Variants in GSS observed in about 807,000 individuals in gnomAD.
GSS encodes glutathione synthetase.
Under a neutral mutation model 60.4 loss-of-function variants are expected in GSS, and 34 were observed. The ratio of observed to expected loss-of-function variants is 0.56; its 90% CI spans 0.43 to 0.75. GSS has a LOEUF of 0.75. Among genes scored for constraint, GSS ranks in the 30% least tolerant of loss-of-function variants. GSS has a pLI of 0.00. For missense variants in GSS, 499 were observed against 595.1 expected, an observed-to-expected ratio of 0.84 and a Z score of 1.68; for synonymous variants, 224 against 239.0, an observed-to-expected ratio of 0.94 and a Z score of 0.58.
rs149280710 is a variant in GSS at position 34,951,795 on chromosome 20, G to A, written c.58C>T (p.Arg20Trp). Reference protein sequence around the residue: ...QDKQQLEELARQAVDRALAEG... With the variant: ...QDKQQLEELAWQAVDRALAEG... Reference sequence around the variant, plus strand: ...GCCAGGGCCCGGTCCACGGCCTGCCGTGCCAGCTCCTCTAGCTGCTGTTTA... The same window carrying A: ...GCCAGGGCCCGGTCCACGGCCTGCCATGCCAGCTCCTCTAGCTGCTGTTTA... The change falls in exon 2 of 13, where the codon CGG becomes TGG. Residue 20 changes from arginine to tryptophan, a missense_variant. Arg to Trp is a moderately radical substitution (Grantham distance 101). Transcript: ENST00000651619. The A allele has an allele frequency of 1.3e-4, 204 of 1,614,002 alleles. No homozygotes were observed. The highest frequency in any genetic ancestry group is 3.3e-4 in the Middle Eastern group (2 of 6,084).
chr20:34,951,938 C>G, intron 1 of GSS, 78 bp from the exon 2 acceptor site: 1 of 1,477,360 alleles, frequency 6.8e-7, no homozygotes, highest in Non-Finnish European at 9.4e-7. Flanking sequence ...TGGCGGCCAC[C>G]CCCAACACAG....
chr20:34,942,193 G>A (rs541599742), intron 5 of GSS, among the ~76,000 whole-genome samples: 20 of 152,080 alleles, frequency 1.3e-4, no homozygotes, highest in Non-Finnish European at 2.8e-4. Flanking sequence ...ATGCTACCAG[G>A]CCCAGCCCCC....
In GSS at chr20:34,948,782, C is replaced by CAA. The variant is rs11411767; in HGVS notation, c.130-2686_130-2685dup. Among the ~76,000 whole-genome samples the CAA allele has an allele frequency of 4.4e-4, 60 of 136,104 alleles. 1 individual carries two copies. Among genetic ancestry groups the CAA allele is most frequent in the Middle Eastern group, 3.9e-3 (1 of 258 alleles). 89.3% of individuals were successfully genotyped at this position (136,104 alleles called of 152,430 possible). On this transcript the variant is annotated intron_variant, in intron 2 of 12. Transcript: ENST00000651619. ...CTGGCGACAGAGTGAGACTCTGTCT[C>CAA]AAAAAAAAAAAAAGAAACATTTTTC...
At chr20:34,951,516 T>C (rs1000088350) in intron 2 of GSS, 7 of 589,442 alleles carry the variant, frequency 1.2e-5, no homozygotes, top group South Asian at 2.1e-5. Flanking sequence ...TTAAGTAATT[T>C]GCCTAAGTCA....
In GSS at chr20:34,929,534, C is replaced by T. The variant is rs763001933; in HGVS notation, c.1168G>A (p.Glu390Lys). Residue 390 changes from glutamate (E) to lysine (K), a missense_variant, in exon 12 of 13, where the codon GAG becomes AAG. Glu to Lys is a moderately conservative substitution (Grantham distance 56, BLOSUM62 1). Coordinates refer to ENST00000651619, the MANE Select transcript of GSS (RefSeq NM_000178.4). ...VQALKQLKDS[E>K]ERASYILMEK... ...ATGAGGATGTAGGAGGCCCTCTCCT[C>T]ACTGTCCTTCAGCTGTTTCAGGGCC... is the stretch of plus-strand genomic sequence containing the variant. The T allele has an allele frequency of 3.1e-6, 5 of 1,614,072 alleles. No individual in the cohort carries two copies. In the South Asian group the frequency reaches 4.4e-5, roughly 14 times the overall value.
intron 2 of GSS, among the ~76,000 whole-genome samples, chr20:34,950,978 G>A (rs1357692755): frequency 6.6e-6 from 1 of 151,374 alleles, no homozygotes; most frequent in Non-Finnish European, 1.5e-5. Flanking sequence ...GGTGTGGTTT[G>A]GACTCAGCAG....
chr20:34,931,610 CA>C lies in GSS; in HGVS notation c.1030-194del, dbSNP rs2081402440. 1.3e-5 allele frequency: 9 copies of C among 667,068 alleles called. No homozygotes were observed. The East Asian group carries it at 2.4e-4, about 18-fold the overall frequency. The allele number at this position is 667,068 out of a possible 1,614,324, so 41.3% of individuals were successfully genotyped here. On this transcript the variant is annotated intron_variant, in intron 10 of 12. Transcript: ENST00000651619. ...CCTGCAGCAGCCGATGCAATGAGAA[CA>C]GGCCTTTCTTTAGCAACAGCTCAGG... is the stretch of plus-strand genomic sequence containing the variant.
Position 34,935,592 on chromosome 20 carries a change from C to G in GSS, c.818G>C (p.Arg273Pro). The G allele has an allele frequency of 6.2e-7, 1 of 1,612,518 alleles. No individual in the cohort carries two copies. Among genetic ancestry groups the G allele is most frequent in the Non-Finnish European group, 8.5e-7 (1 of 1,178,608 alleles). Residue 273 changes from arginine to proline, a missense_variant, in exon 9 of 13, where the codon CGT becomes CCT. Coordinates refer to ENST00000651619, the MANE Select transcript of GSS (RefSeq NM_000178.4). Reference sequence around the variant, plus strand: ...AATACCAACCTGTAGACTGTACTGACGAGGCATGTAGCCATCCCGGAAGTA... The same window carrying G: ...AATACCAACCTGTAGACTGTACTGAGGAGGCATGTAGCCATCCCGGAAGTA... ...VVYFRDGYMP[R>P]QYSLQNWEAR... is the part of the protein sequence containing the mutation.
intron 9 of GSS, among the ~76,000 whole-genome samples, chr20:34,932,888 C>G (rs2081413213): frequency 6.6e-6 from 1 of 152,038 alleles, no homozygotes; most frequent in Admixed American, 6.6e-5. Context: ...CTCTGTCACC[C>G]AGACTGGAGT....
At chr20:34,941,424 C>T (rs928199284) in intron 6 of GSS, among the ~76,000 whole-genome samples, 3 of 151,576 alleles carry the variant, frequency 2.0e-5, no homozygotes, top group African/African-American at 7.3e-5. Flanking sequence ...CGCAGGCAAA[C>T]AGCCTTGCGT....
intron 3 of GSS, 92 bp from the exon 4 acceptor site, chr20:34,943,098 C>A: frequency 1.2e-6 from 1 of 840,148 alleles, no homozygotes; most frequent in Non-Finnish European, 2.0e-6. Flanking sequence ...TGAATCCTCT[C>A]TGAGTCTACT....
chr20:34,931,363 C>T lies in GSS; in HGVS notation c.1084G>A (p.Val362Met), dbSNP rs376043024. The T allele has an allele frequency of 2.5e-6, 4 of 1,614,116 alleles. No individual in the cohort carries two copies. Among genetic ancestry groups the T allele is most frequent in the Non-Finnish European group, 3.4e-6 (4 of 1,180,038 alleles). ...CCACCCTCTCTCTGGGGCTTTAGCA[C>T]AAACCGGCTAGGGGCAGCAAGGGCC... ...AEALAAPSRF[V>M]LKPQREGGGN... is the part of the protein sequence containing the mutation. The change falls in exon 11 of 13, where the codon GTG becomes ATG. Residue 362 changes from valine to methionine, a missense_variant. Transcript: ENST00000651619.
intron 11 of GSS, among the ~76,000 whole-genome samples, chr20:34,930,264 CAAAA>C (rs34585562): frequency 2.3e-5 from 3 of 130,610 alleles, no homozygotes; most frequent in African/African-American, 8.6e-5. Context: ...GAATCCGTCT[CAAAA>C]AAAAAAAAAA....
chr20:34,932,343 T>A (rs77594036), intron 9 of GSS, among the ~76,000 whole-genome samples: 2 of 152,196 alleles, frequency 1.3e-5, no homozygotes, highest in East Asian at 3.9e-4. Flanking sequence ...AAGGCAAGAA[T>A]CCCCCAATCT....
intron 8 of GSS, among the ~76,000 whole-genome samples, chr20:34,936,134 T>C (rs2081439121): frequency 6.6e-6 from 1 of 152,242 alleles, no homozygotes; most frequent in Admixed American, 6.5e-5. Context: ...TCTTTTCCTT[T>C]TCTTTGACCT....
In GSS at chr20:34,929,520, G is replaced by A. The variant is rs372082838; in HGVS notation, c.1182C>T (p.Ser394=). 5 of 1,613,814 alleles carry A rather than the reference G, an allele frequency of 3.1e-6. No individual in the cohort carries two copies. The highest frequency in any genetic ancestry group is 4.2e-6 in the Non-Finnish European group (5 of 1,179,796). ...GTTCGATCTTCTCCATGAGGATGTA[G>A]GAGGCCCTCTCCTCACTGTCCTTCA... ...KQLKDSEERA[S]YILMEKIEPE... Residue 394 remains serine (S), a synonymous_variant, in exon 12 of 13, where the codon TCC becomes TCT. Transcript: ENST00000651619.
At chr20:34,930,087 G>A (rs1238756872) in intron 11 of GSS, among the ~76,000 whole-genome samples, 1 of 152,022 alleles carries the variant, frequency 6.6e-6, no homozygotes, top group East Asian at 1.9e-4. Context: ...CCAATATGAT[G>A]AAACCCCATC....
chr20:34,938,901 G>A (rs1019888664), intron 6 of GSS, among the ~76,000 whole-genome samples: 2 of 152,132 alleles, frequency 1.3e-5, no homozygotes, highest in African/African-American at 2.4e-5. Flanking sequence ...ATTGACTTGG[G>A]TAAGGCAATT....
intron 12 of GSS, 185 bp from the exon 13 acceptor site, chr20:34,929,136 T>A (rs1217500043): frequency 9.3e-6 from 7 of 750,020 alleles, no homozygotes; most frequent in Admixed American, 2.1e-5. Flanking sequence ...GTGTTCTGAG[T>A]CCTCTTGGTG....
Sources: allele counts gnomAD v4.1 joint callset (sites outside exome capture counted in the v4.1 genomes callset), GRCh38; gene constraint gnomAD v4.1.1; transcripts MANE v1.5; gene names NCBI Gene and HGNC (gene_info 2026-07-23, HGNC 2026-07-21).